Variants in ST3GAL3 observed in about 807,000 individuals in gnomAD.
ST3GAL3 encodes CMP-N-acetylneuraminate-beta-1,4-galactoside alpha-2,3-sialyltransferase.
A neutral mutation model predicts 50.1 loss-of-function variants in ST3GAL3; 21 were observed. That is an observed-to-expected ratio of 0.42 (90% CI 0.30 to 0.60). The LOEUF (loss-of-function observed/expected upper bound fraction) is 0.60, where lower values mean the gene tolerates loss of function less well. Among genes scored for constraint, ST3GAL3 ranks in the 20% least tolerant of loss-of-function variants. ST3GAL3 has a pLI of 0.19. For synonymous variants in ST3GAL3, 183 were observed against 190.0 expected (o/e 0.96, Z 0.30); for missense variants, 353 against 489.4 (o/e 0.72, Z 2.63).
chr1:43,917,207 A>C (rs1165147521), intron 9 of ST3GAL3, among the ~76,000 whole-genome samples: 1 of 151,602 alleles, frequency 6.6e-6, no homozygotes, highest in African/African-American at 2.4e-5. Context: ...ACACAAATAT[A>C]CACATACACA....
chr1:43,763,544 C>T (rs954805022), intron 2 of ST3GAL3, among the ~76,000 whole-genome samples: 1 of 152,136 alleles, frequency 6.6e-6, no homozygotes, highest in African/African-American at 2.4e-5. Context: ...CTGTTTTGTG[C>T]CTGGCTGCCA....
intron 5 of ST3GAL3, among the ~76,000 whole-genome samples, chr1:43,880,502 C>T (rs2074924313): frequency 6.6e-6 from 1 of 151,886 alleles, no homozygotes; most frequent in Admixed American, 6.6e-5. Context: ...CTTCATTCCA[C>T]TGTTACGCTG....
intron 5 of ST3GAL3, among the ~76,000 whole-genome samples, chr1:43,847,943 T>G (rs2154209898): frequency 6.6e-6 from 1 of 152,328 alleles, no homozygotes; most frequent in Admixed American, 6.5e-5. Context: ...CTGAAGAACT[T>G]CATTTAACAT....
rs1666372790 is a variant in ST3GAL3, at chr1:43,714,460, C to A, written c.-31+6767C>A. Among the ~76,000 whole-genome samples the A allele has an allele frequency of 1.3e-4, 18 of 138,012 alleles. No individual in the cohort carries two copies. In the Admixed American group the frequency reaches 1.3e-3, roughly 10 times the overall value. The allele number at this position is 138,012 out of a possible 152,430, so 90.5% of individuals were successfully genotyped here. ...AAAAAAAAAAAAAAAAAAAAATTAG[C>A]TGGGCATGGCAGCGTGCACCTGTAG... On this transcript the variant is annotated intron_variant, in intron 1 of 11. Coordinates refer to ENST00000347631, the MANE Select transcript of ST3GAL3 (RefSeq NM_006279.5).
chr1:43,824,877 T>G, intron 4 of ST3GAL3: 1 of 827,350 alleles, frequency 1.2e-6, no homozygotes, highest in South Asian at 1.4e-5. Flanking sequence ...GCATTAGGAT[T>G]TTTAAAGCTG....
intron 9 of ST3GAL3, among the ~76,000 whole-genome samples, chr1:43,904,164 C>T (rs2154276000): frequency 6.6e-6 from 1 of 152,216 alleles, no homozygotes; most frequent in African/African-American, 2.4e-5. Context: ...AGACAAGGAG[C>T]CTCCTGGTGA....
In ST3GAL3 at chr1:43,737,114, TCA is replaced by T. The variant is rs1678852280; in HGVS notation, c.118+739_118+740del. On this transcript the variant is annotated intron_variant, in intron 2 of 11. Coordinates refer to ENST00000347631, the MANE Select transcript of ST3GAL3 (RefSeq NM_006279.5). The surrounding 1 kb of genome is among the most constrained non-coding windows in gnomAD (Gnocchi z 4.0). Reference sequence around the variant, plus strand: ...GTTTTCTTGGCTGTAGCTTGAAATATCACACAGTGACCATAGTGGTTTTCTTT... The same window carrying T: ...GTTTTCTTGGCTGTAGCTTGAAATATCACAGTGACCATAGTGGTTTTCTTT... 7.6e-6 allele frequency: 1 copy of T among 132,438 alleles called. No homozygotes were observed. The highest frequency in any genetic ancestry group is 1.6e-5 in the Non-Finnish European group (1 of 62,302). The allele number at this position is 132,438 out of a possible 1,614,324, so 8.2% of individuals were successfully genotyped here. A position where few individuals can be genotyped will look rare whatever the true frequency, so the allele number is the denominator to read the frequency against.
At chr1:43,883,925 A>G (rs533068151) in intron 5 of ST3GAL3, among the ~76,000 whole-genome samples, 1 of 152,324 alleles carries the variant, frequency 6.6e-6, no homozygotes, top group East Asian at 1.9e-4. Context: ...CTCCTTTGAG[A>G]TGTCTTTCCA....
intron 2 of ST3GAL3, among the ~76,000 whole-genome samples, chr1:43,759,077 A>G (rs1429566339): frequency 4.1e-5 from 6 of 145,548 alleles, no homozygotes; most frequent in Non-Finnish European, 6.2e-5. Context: ...ACACACACAC[A>G]CACACACACA....
chr1:43,854,558 C>G (rs1332569611), intron 5 of ST3GAL3, among the ~76,000 whole-genome samples: 1 of 152,148 alleles, frequency 6.6e-6, no homozygotes, highest in Non-Finnish European at 1.5e-5. Flanking sequence ...TTATAGCTCT[C>G]CTCTCTTCTC....
intron 3 of ST3GAL3, among the ~76,000 whole-genome samples, chr1:43,808,895 G>T (rs1021278971): frequency 6.6e-6 from 1 of 152,146 alleles, no homozygotes; most frequent in Non-Finnish European, 1.5e-5. Context: ...TAATGCATGG[G>T]GTATCTCATA....
chr1:43,786,239 G>A (rs1302399715), intron 2 of ST3GAL3, among the ~76,000 whole-genome samples: 1 of 152,082 alleles, frequency 6.6e-6, no homozygotes, highest in Non-Finnish European at 1.5e-5. Context: ...ATCCGACTCT[G>A]TTACTCCCGG....
At chr1:43,789,296 A>G (rs2057747823) in intron 2 of ST3GAL3, among the ~76,000 whole-genome samples, 1 of 152,152 alleles carries the variant, frequency 6.6e-6, no homozygotes, top group African/African-American at 2.4e-5. Flanking sequence ...AAGCAAATCT[A>G]TAGACAGAAA....
At chr1:43,925,114 A>G (rs2083683418) in intron 11 of ST3GAL3, among the ~76,000 whole-genome samples, 1 of 151,884 alleles carries the variant, frequency 6.6e-6, no homozygotes, top group Non-Finnish European at 1.5e-5. Flanking sequence ...ACATGGTGAA[A>G]CCCCGTCTCT....
intron 5 of ST3GAL3, among the ~76,000 whole-genome samples, chr1:43,862,706 G>A (rs1409985279): frequency 7.2e-6 from 1 of 138,976 alleles, no homozygotes; most frequent in Non-Finnish European, 1.5e-5. Flanking sequence ...CCAGGAGTTT[G>A]AAACCAGCCT....
intron 4 of ST3GAL3, 26 bp downstream of exon 4, chr1:43,814,959 G>A: frequency 6.2e-7 from 1 of 1,612,840 alleles, no homozygotes; most frequent in Non-Finnish European, 8.5e-7. Context: ...AGATACCTTG[G>A]CTCTGTGGCA....
chr1:43,730,535 TTTTTC>T (rs1316495534), intron 1 of ST3GAL3, among the ~76,000 whole-genome samples: 2 of 85,834 alleles, frequency 2.3e-5, no homozygotes, highest in Admixed American at 1.1e-4. Context: ...TTCTGATTTC[TTTTTC>T]TTTTCTTTTT....
intron 5 of ST3GAL3, among the ~76,000 whole-genome samples, chr1:43,843,907 C>G (rs556910945): frequency 6.6e-6 from 1 of 152,182 alleles, no homozygotes; most frequent in Non-Finnish European, 1.5e-5. Flanking sequence ...AAGACTATAC[C>G]TCACTTCAGA....
chr1:43,874,401 G>A (rs1269747267), intron 5 of ST3GAL3, among the ~76,000 whole-genome samples: 1 of 152,208 alleles, frequency 6.6e-6, no homozygotes, highest in Non-Finnish European at 1.5e-5. Context: ...TTTCTGTAAA[G>A]AGATGGAGAT....
Sources: gnomAD v4.1 joint callset for allele counts (sites outside exome capture counted in the v4.1 genomes callset) on GRCh38, gnomAD v4.1.1 for gene constraint, Gnocchi (gnomAD v3.1) non-coding constraint, MANE v1.5 for transcripts, NCBI Gene and HGNC (gene_info 2026-07-23, HGNC 2026-07-21) for gene names.